The following CEP63 variants were observed in gnomAD, a reference collection of about 807,000 sequenced individuals.
CEP63 encodes centrosomal protein 63.
Under a neutral mutation model 89.1 loss-of-function variants are expected in CEP63, and 84 were observed. That is an observed-to-expected ratio of 0.94 (90% CI 0.79 to 1.13). CEP63 has a LOEUF of 1.13. Ranked by LOEUF, CEP63 falls within the 50% of genes most tolerant of loss-of-function variation. The pLI, the probability that CEP63 is intolerant of heterozygous loss-of-function variation, is 0.00. For synonymous variants in CEP63, 267 were observed against 272.5 expected, an observed-to-expected ratio of 0.98 and a Z score of 0.20; for missense variants, 838 against 813.3, an observed-to-expected ratio of 1.03 and a Z score of -0.37.
At chr3:134,556,643 A>G (rs1398553534) in intron 12 of CEP63, among the ~76,000 whole-genome samples, 1 of 152,290 alleles carries the variant, frequency 6.6e-6, no homozygotes, top group Admixed American at 6.5e-5. Context: ...TTCATATTTA[A>G]GAATTGAGAA....
intron 1 of CEP63, among the ~76,000 whole-genome samples, chr3:134,494,884 A>G (rs919755503): frequency 6.6e-5 from 10 of 152,230 alleles, no homozygotes; most frequent in African/African-American, 2.4e-4. Flanking sequence ...CGCATTTTTT[A>G]TACTATCTCT....
At chr3:134,518,584 A>G (rs1946727781) in intron 3 of CEP63, among the ~76,000 whole-genome samples, 1 of 152,192 alleles carries the variant, frequency 6.6e-6, no homozygotes, top group Non-Finnish European at 1.5e-5. Context: ...AATATTTTGG[A>G]CTGAATAATA....
the CEP63 span, chr3:134,610,396 CA>C: frequency 6.2e-7 from 1 of 1,604,628 alleles, no homozygotes; most frequent in Non-Finnish European, 8.5e-7. Context: ...GGGGGCAGGA[CA>C]GGGGGTCTGA....
chr3:134,584,956 G>GTTTTTTTTTTTGTTTTTTTTT (rs1553799204), intron 10 of CEP63, among the ~76,000 whole-genome samples: 2 of 36,034 alleles, frequency 5.6e-5, no homozygotes, highest in East Asian at 1.4e-3. Flanking sequence ...ATTTTCTAGG[G>GTTTTTTTTTTTGTTTTTTTTT]TTTTTTTTTT....
chr3:134,531,271 A>G (rs993583957), intron 3 of CEP63, among the ~76,000 whole-genome samples: 6 of 152,094 alleles, frequency 3.9e-5, no homozygotes, highest in African/African-American at 1.4e-4. Context: ...AAAAGGGTTG[A>G]GTAGGATAAT....
At chr3:134,608,753 G>A in the CEP63 span, 1 of 1,614,052 alleles carries the variant, frequency 6.2e-7, no homozygotes, top group Non-Finnish European at 8.5e-7. Context: ...AGATTGAGGA[G>A]GTTTTAGCAG....
intron 12 of CEP63, among the ~76,000 whole-genome samples, chr3:134,555,141 C>T (rs1422756864): frequency 3.3e-5 from 5 of 150,954 alleles, no homozygotes; most frequent in Non-Finnish European, 7.4e-5. Flanking sequence ...TAAGAGCTAT[C>T]TATGACAAAC....
At chr3:134,492,288 G>T (rs1189201525) in intron 1 of CEP63, among the ~76,000 whole-genome samples, 4 of 151,950 alleles carry the variant, frequency 2.6e-5, no homozygotes, top group East Asian at 3.9e-4. Flanking sequence ...TAGCCAGGAT[G>T]GTCTAATTTT....
At chr3:134,726,800 G>C in the CEP63 span, among the ~76,000 whole-genome samples, 1 of 152,166 alleles carries the variant, frequency 6.6e-6, no homozygotes, top group African/African-American at 2.4e-5. Context: ...AAGTCAGGCA[G>C]GCAGCTCAGA....
chr3:134,725,918 C>T, the CEP63 span, among the ~76,000 whole-genome samples: 1 of 152,144 alleles, frequency 6.6e-6, no homozygotes, highest in Non-Finnish European at 1.5e-5. Context: ...CCACTAGAGC[C>T]AGGATGGTGT....
At chr3:134,553,936 T>G (rs1185673567) in intron 12 of CEP63, among the ~76,000 whole-genome samples, 2 of 152,198 alleles carry the variant, frequency 1.3e-5, no homozygotes, top group Non-Finnish European at 2.9e-5. Context: ...AAACTATATT[T>G]ATTTCAATGG....
chr3:134,670,014 C>G, the CEP63 span, among the ~76,000 whole-genome samples: 1 of 152,168 alleles, frequency 6.6e-6, no homozygotes, highest in African/African-American at 2.4e-5. Context: ...CTTGCCCTTT[C>G]TGCAATGAGA....
chr3:134,705,788 G>C, the CEP63 span, among the ~76,000 whole-genome samples: 1 of 152,136 alleles, frequency 6.6e-6, no homozygotes, highest in Non-Finnish European at 1.5e-5. Flanking sequence ...TTGTCCTGGA[G>C]GCTGTTGGTG....
chr3:134,568,554 T>C (rs2110264522), downstream of CEP63, among the ~76,000 whole-genome samples: 1 of 152,228 alleles, frequency 6.6e-6, no homozygotes, highest in Non-Finnish European at 1.5e-5. Context: ...ACCCCAGCAG[T>C]AGCCTGTTCA....
the CEP63 span, among the ~76,000 whole-genome samples, chr3:134,671,911 T>A: frequency 6.6e-6 from 1 of 152,182 alleles, no homozygotes. Context: ...AGGGAGGCAA[T>A]GTGTGTGGAT....
Position 134,546,190 on chromosome 3 carries a change from G to A in CEP63, c.831G>A (p.Gln277=), listed in dbSNP as rs753630215. The A allele has an allele frequency of 5.6e-6, 9 of 1,613,764 alleles. No individual in the cohort carries two copies. The highest frequency in any genetic ancestry group is 5.1e-6 in the Non-Finnish European group (6 of 1,179,926). The change falls in exon 8 of 15, where the codon CAG becomes CAA. Residue 277 remains glutamine (Q), a synonymous_variant. Coordinates refer to ENST00000675561, the MANE Select transcript of CEP63 (RefSeq NM_001353108.3). ...EEKRELKAAL[Q]SQENLIHEAR... ...AGAGAGAATTGAAGGCAGCTCTTCA[G>A]TCTCAAGAAAATCTCATACATGAGG... is the stretch of plus-strand genomic sequence containing the variant.
At chr3:134,649,765 G>T in the CEP63 span, among the ~76,000 whole-genome samples, 1 of 152,220 alleles carries the variant, frequency 6.6e-6, no homozygotes, top group Non-Finnish European at 1.5e-5. Flanking sequence ...GCTGGTAGTG[G>T]CAAGGCCATC....
intron 3 of CEP63, among the ~76,000 whole-genome samples, chr3:134,515,085 G>A (rs965611386): frequency 4.6e-5 from 7 of 152,152 alleles, no homozygotes; most frequent in African/African-American, 1.7e-4. Context: ...ATTTAAGTCA[G>A]GTTGGGATAA....
the CEP63 span, among the ~76,000 whole-genome samples, chr3:134,666,353 G>A: frequency 5.3e-5 from 8 of 152,198 alleles, no homozygotes; most frequent in Non-Finnish European, 1.0e-4. Flanking sequence ...TTCACAGGTC[G>A]GGGAGACGAG....
Sources: allele counts gnomAD v4.1 joint callset (sites outside exome capture counted in the v4.1 genomes callset), GRCh38; gene constraint gnomAD v4.1.1; transcripts MANE v1.5; gene names NCBI Gene and HGNC (gene_info 2026-07-23, HGNC 2026-07-21).